Variants in CD226 observed in about 807,000 individuals in gnomAD.
CD226 encodes CD226 antigen.
Under a neutral mutation model 34.9 loss-of-function variants are expected in CD226, and 24 were observed. The observed-to-expected ratio is 0.69, with a 90% CI of 0.50 to 0.97. The LOEUF (loss-of-function observed/expected upper bound fraction) is 0.97, where lower values mean the gene tolerates loss of function less well. Ranked by LOEUF, CD226 falls within the 50% of genes least tolerant of loss-of-function variation. CD226 has a pLI of 0.00. For missense variants in CD226, 397 were observed against 412.7 expected (o/e 0.96, Z 0.33); for synonymous variants, 148 against 147.4 (o/e 1.00, Z -0.03).
At chr18:69,889,449 T>C (rs12964890) in intron 3 of CD226, among the ~76,000 whole-genome samples, 64,081 of 150,568 alleles carry the variant, frequency 0.43, 16,344 homozygotes, top group East Asian at 0.65. Flanking sequence ...TCTAAATTCA[T>C]AGGAGTGGGA....
At chr18:69,951,549 A>G (rs2055854436), upstream of CD226, among the ~76,000 whole-genome samples, 1 of 152,200 alleles carries the variant, frequency 6.6e-6, no homozygotes. Flanking sequence ...TGGGGCTCAG[A>G]TGGCATTACT....
upstream of CD226, among the ~76,000 whole-genome samples, chr18:69,959,974 C>T (rs1376635647): frequency 2.6e-5 from 4 of 152,098 alleles, no homozygotes; most frequent in African/African-American, 9.7e-5. Flanking sequence ...TGGCTGGGCA[C>T]GGTGGTTCAC....
chr18:69,940,377 G>A (rs901908920), intron 2 of CD226, among the ~76,000 whole-genome samples: 1 of 152,224 alleles, frequency 6.6e-6, no homozygotes, highest in Non-Finnish European at 1.5e-5. Context: ...AGCAACTTTG[G>A]AACTGGGTAA....
At chr18:69,879,374 G>T (rs140879926) in intron 3 of CD226, among the ~76,000 whole-genome samples, 1 of 151,988 alleles carries the variant, frequency 6.6e-6, no homozygotes, top group African/African-American at 2.4e-5. Flanking sequence ...CCATTATAGA[G>T]GGCTCTCCTC....
chr18:69,896,213 G>A, intron 2 of CD226, 168 bp from the exon 3 acceptor site: 1 of 912,686 alleles, frequency 1.1e-6, no homozygotes, highest in Non-Finnish European at 1.3e-6. Context: ...ACGGAGTCTT[G>A]CTCTGTCACC....
chr18:69,959,315 G>C (rs7235911), upstream of CD226, among the ~76,000 whole-genome samples: 1 of 152,148 alleles, frequency 6.6e-6, no homozygotes, highest in Admixed American at 6.5e-5. Context: ...ACCACTCAGA[G>C]ATCAACAAGA....
At chr18:69,950,777 C>T (rs1185165918), upstream of CD226, among the ~76,000 whole-genome samples, 1 of 152,010 alleles carries the variant, frequency 6.6e-6, no homozygotes, top group African/African-American at 2.4e-5. Flanking sequence ...TGGTACAATT[C>T]TAAGAGCGAT....
chr18:69,875,133 T>C, intron 3 of CD226, among the ~76,000 whole-genome samples: 1 of 152,264 alleles, frequency 6.6e-6, no homozygotes, highest in South Asian at 2.1e-4. Flanking sequence ...TTATTTATTT[T>C]ATTTTAATTT....
At chr18:69,924,691 C>CCAAAAA (rs1555683024) in intron 2 of CD226, among the ~76,000 whole-genome samples, 3 of 12,252 alleles carry the variant, frequency 2.4e-4, no homozygotes, top group Admixed American at 0.011. Flanking sequence ...GAAGGTATTG[C>CCAAAAA]CAAAAAAAAA....
intron 3 of CD226, among the ~76,000 whole-genome samples, chr18:69,891,288 TA>T (rs34082832): frequency 5.3e-4 from 78 of 146,182 alleles, no homozygotes; most frequent in Non-Finnish European, 6.7e-4. Context: ...CTTGTGTGAT[TA>T]AAAAAAAAAA....
intron 2 of CD226, among the ~76,000 whole-genome samples, chr18:69,900,464 G>C (rs1355733446): frequency 1.3e-5 from 2 of 152,104 alleles, no homozygotes; most frequent in Non-Finnish European, 2.9e-5. Flanking sequence ...CGGGCGCGGT[G>C]GCTCACGCCT....
At chr18:69,869,301 T>C (rs1043056784) in intron 4 of CD226, among the ~76,000 whole-genome samples, 1 of 152,194 alleles carries the variant, frequency 6.6e-6, no homozygotes, top group African/African-American at 2.4e-5. Flanking sequence ...GGTACACATA[T>C]ACCATAGAAC....
At chr18:69,899,849 C>T (rs1235259112) in intron 2 of CD226, among the ~76,000 whole-genome samples, 1 of 152,146 alleles carries the variant, frequency 6.6e-6, no homozygotes, top group Admixed American at 6.5e-5. Flanking sequence ...ATTAATTCAA[C>T]CATTGTGGAA....
At position 69,858,285 on chromosome 18, in the gene CD226, C is replaced by T. The variant is rs985848468; in HGVS notation, c.*6029G>A. On this transcript the variant is annotated 3_prime_UTR_variant, in exon 6 of 6. Coordinates refer to ENST00000582621, the MANE Select transcript of CD226 (RefSeq NM_001303618.2). Reference sequence around the variant, plus strand: ...AACATTTATAAAAGGGTATATTAAACCCTGCCTTTAAGAAAACTATCATCT... The same window carrying T: ...AACATTTATAAAAGGGTATATTAAATCCTGCCTTTAAGAAAACTATCATCT... The T allele has an allele frequency of 1.3e-5, 2 of 152,096 alleles. No homozygotes were observed. The highest frequency in any genetic ancestry group is 2.4e-5 in the African/African-American group (1 of 41,430). The allele number at this position is 152,096 out of a possible 1,614,324, so 9.4% of individuals were successfully genotyped here.
At chr18:69,951,948 C>A (rs1044263282), upstream of CD226, among the ~76,000 whole-genome samples, 27 of 152,150 alleles carry the variant, frequency 1.8e-4, no homozygotes, top group Non-Finnish European at 1.3e-4. Flanking sequence ...GAAAAGAAAT[C>A]ATTATATTAA....
At chr18:69,871,846 T>A (rs1280938161) in intron 4 of CD226, among the ~76,000 whole-genome samples, 1 of 152,114 alleles carries the variant, frequency 6.6e-6, no homozygotes, top group East Asian at 1.9e-4. Context: ...AGTGGGAAGA[T>A]AACCAAAGAT....
At chr18:69,949,810 GCA>G (rs199860892), upstream of CD226, among the ~76,000 whole-genome samples, 1,348 of 151,766 alleles carry the variant, frequency 8.9e-3, 26 homozygotes, top group African/African-American at 0.03. Flanking sequence ...ACATGCATGT[GCA>G]CACATACTCT....
At chr18:69,877,975 T>G (rs1232524971) in intron 3 of CD226, among the ~76,000 whole-genome samples, 1 of 152,182 alleles carries the variant, frequency 6.6e-6, no homozygotes, top group African/African-American at 2.4e-5. Context: ...TCCACATGAA[T>G]GACCACTGGC....
In CD226 at chr18:69,873,258, A is replaced by G. The variant is rs1489684260; in HGVS notation, c.728-12T>C. The G allele has an allele frequency of 1.4e-6, 2 of 1,408,166 alleles. No individual in the cohort carries two copies. The highest frequency in any genetic ancestry group is 2.8e-5 in the African/African-American group (2 of 70,544). 87.2% of individuals were successfully genotyped at this position (1,408,166 alleles called of 1,614,324 possible). A position where few individuals can be genotyped will look rare whatever the true frequency, so the allele number is the denominator to read the frequency against. On this transcript the variant is annotated splice_polypyrimidine_tract_variant and intron_variant, in intron 3 of 5. Transcript: ENST00000582621. ...GTTATCGGTTTTACCTAGGAGAGAA[A>G]AAAAATATTGTAGGAATTAGGAATT...
Sources: allele counts gnomAD v4.1 joint callset (sites outside exome capture counted in the v4.1 genomes callset), GRCh38; gene constraint gnomAD v4.1.1; transcripts MANE v1.5; gene names NCBI Gene and HGNC (gene_info 2026-07-23, HGNC 2026-07-21).